The following TNS3 variants were observed in gnomAD, a reference collection of about 807,000 sequenced individuals.
TNS3 encodes tensin-3.
In TNS3, 45 loss-of-function variants were observed where a neutral mutation model predicts 140.9. The ratio of observed to expected loss-of-function variants is 0.32; its 90% CI spans 0.25 to 0.41. The LOEUF is 0.41. TNS3 is among the 10% of genes least tolerant of loss of function. TNS3 has a pLI of 1.00. For missense variants in TNS3, 1,716 were observed against 1,906.7 expected (o/e 0.90, Z 1.86); for synonymous variants, 815 against 788.4 (o/e 1.03, Z -0.56).
chr7:47,385,466 G>A (rs2347441), intron 16 of TNS3, among the ~76,000 whole-genome samples: 3,307 of 152,194 alleles, frequency 0.022, 124 homozygotes, highest in African/African-American at 0.075. Context: ...CTCTGTATCT[G>A]CAGCATCCAG....
intron 8 of TNS3, among the ~76,000 whole-genome samples, chr7:47,434,875 T>A (rs996364945): frequency 6.6e-6 from 1 of 152,190 alleles, no homozygotes; most frequent in African/African-American, 2.4e-5. Flanking sequence ...ATCTAGTCCA[T>A]CAACTGATTA....
chr7:47,292,950 G>A (rs201365980), intron 25 of TNS3, 45 bp from the exon 26 acceptor site: 1 of 1,565,292 alleles, frequency 6.4e-7, no homozygotes, highest in African/African-American at 1.4e-5. Flanking sequence ...AACTGCTGTA[G>A]ATGTTGTGTG....
intron 2 of TNS3, among the ~76,000 whole-genome samples, chr7:47,507,501 AACTG>A (rs1471878826): frequency 3.3e-5 from 5 of 152,160 alleles, no homozygotes; most frequent in African/African-American, 9.7e-5. Flanking sequence ...CCAACCTGAG[AACTG>A]ACTGTCAGAA....
At chr7:47,333,106 C>CT (rs577514405) in intron 20 of TNS3, among the ~76,000 whole-genome samples, 64 of 147,270 alleles carry the variant, frequency 4.3e-4, no homozygotes, top group African/African-American at 7.9e-4. Context: ...AAGCCAACAC[C>CT]TTTTTTTTTT....
intron 17 of TNS3, among the ~76,000 whole-genome samples, chr7:47,349,201 AAG>A (rs1789519253): frequency 6.6e-6 from 1 of 152,174 alleles, no homozygotes; most frequent in African/African-American, 2.4e-5. Flanking sequence ...TTCATTCAAA[AAG>A]AGTCTCAAAA....
At chr7:47,299,690 G>A (rs1421912025) in intron 23 of TNS3, among the ~76,000 whole-genome samples, 1 of 152,194 alleles carries the variant, frequency 6.6e-6, no homozygotes, top group African/African-American at 2.4e-5. Flanking sequence ...GGTGCAAGGG[G>A]GCTGTGCTCT....
At chr7:47,299,610 G>A (rs1243261380) in intron 23 of TNS3, among the ~76,000 whole-genome samples, 2 of 152,206 alleles carry the variant, frequency 1.3e-5, no homozygotes, top group African/African-American at 2.4e-5. Flanking sequence ...TGGCAGTGGA[G>A]GGAACACGGG....
intron 1 of TNS3, among the ~76,000 whole-genome samples, chr7:47,564,782 C>T (rs2152004496): frequency 6.6e-6 from 1 of 151,902 alleles, no homozygotes; most frequent in South Asian, 2.1e-4. Context: ...GACAACCTGA[C>T]TGATTAATAT....
chr7:47,533,594 A>G lies in TNS3; in HGVS notation c.-264-4447T>C, dbSNP rs550938429. Among the ~76,000 whole-genome samples the G allele has an allele frequency of 7.1e-4, 108 of 152,306 alleles. 1 individual carries two copies. Among genetic ancestry groups the G allele is most frequent in the African/African-American group, 2.5e-3 (103 of 41,566 alleles). ...TAATAATAAAAGGATTGATTCATCA[A>G]GAACACCTAACAGTCCTAAACATTT... On this transcript the variant is annotated intron_variant, in intron 1 of 30. Coordinates refer to ENST00000311160, the MANE Select transcript of TNS3 (RefSeq NM_022748.12).
intron 1 of TNS3, among the ~76,000 whole-genome samples, chr7:47,534,557 CAGA>C (rs1799533067): frequency 6.6e-6 from 1 of 152,192 alleles, no homozygotes; most frequent in Non-Finnish European, 1.5e-5. Context: ...GAGGTTGAAT[CAGA>C]ACACTGGAAT....
chr7:47,285,971 G>GGAAAATGAAA (rs1388808151), intron 27 of TNS3, among the ~76,000 whole-genome samples: 2 of 152,166 alleles, frequency 1.3e-5, no homozygotes, highest in Non-Finnish European at 2.9e-5. Flanking sequence ...GATTAGAACG[G>GGAAAATGAAA]GAAAATGAAA....
chr7:47,395,841 T>G (rs2151317833), intron 16 of TNS3, among the ~76,000 whole-genome samples: 1 of 152,300 alleles, frequency 6.6e-6, no homozygotes, highest in East Asian at 1.9e-4. Context: ...TTCCTTGAGT[T>G]GAAATTCCAT....
intron 2 of TNS3, among the ~76,000 whole-genome samples, chr7:47,514,379 T>C (rs988032711): frequency 6.6e-6 from 1 of 152,358 alleles, no homozygotes; most frequent in Admixed American, 6.5e-5. Context: ...CAAACCTTTA[T>C]CTGTAATCAC....
intron 17 of TNS3, among the ~76,000 whole-genome samples, chr7:47,364,268 T>A (rs1790563848): frequency 6.7e-6 from 1 of 149,536 alleles, no homozygotes; most frequent in Non-Finnish European, 1.5e-5. Context: ...GCTACAGAAG[T>A]AAGCAATAAT....
intron 3 of TNS3, among the ~76,000 whole-genome samples, chr7:47,483,947 G>A (rs1278689493): frequency 6.6e-6 from 1 of 152,248 alleles, no homozygotes; most frequent in Non-Finnish European, 1.5e-5. Flanking sequence ...TAACCCCACA[G>A]AGCTTACGGC....
chr7:47,556,719 T>C (rs750413614), intron 1 of TNS3, among the ~76,000 whole-genome samples: 1 of 152,164 alleles, frequency 6.6e-6, no homozygotes, highest in Non-Finnish European at 1.5e-5. Context: ...AGCAGAGGCA[T>C]AACAGCTGAG....
intron 17 of TNS3, among the ~76,000 whole-genome samples, chr7:47,348,172 T>A (rs149022905): frequency 1.8e-3 from 277 of 152,332 alleles, no homozygotes; most frequent in African/African-American, 5.9e-3. Context: ...ACGCACCACC[T>A]GGTACTCAGC....
chr7:47,310,937 T>C (rs916373076), intron 20 of TNS3, among the ~76,000 whole-genome samples: 5 of 152,224 alleles, frequency 3.3e-5, no homozygotes, highest in Non-Finnish European at 5.9e-5. Context: ...CCATGGTGTA[T>C]ATGTGCCACA....
At position 47,329,919 on chromosome 7, in the gene TNS3, G is replaced by A. The variant is rs143570488; in HGVS notation, c.2650+14836C>T. Among the ~76,000 whole-genome samples the A allele has an allele frequency of 2.4e-3, 363 of 152,270 alleles. 2 individuals carry two copies. Among genetic ancestry groups the A allele is most frequent in the African/African-American group, 8.2e-3 (342 of 41,568 alleles). ...GGCAGGGCATGCTGCTTCTGTGCCC[G>A]TGTCACAGCCATGACTGGGACAATC... On this transcript the variant is annotated intron_variant, in intron 20 of 30. Coordinates refer to ENST00000311160, the MANE Select transcript of TNS3 (RefSeq NM_022748.12).
Sources: allele counts gnomAD v4.1 joint callset (sites outside exome capture counted in the v4.1 genomes callset), GRCh38; gene constraint gnomAD v4.1.1; transcripts MANE v1.5; gene names NCBI Gene and HGNC (gene_info 2026-07-23, HGNC 2026-07-21).